The following CPE variants were observed in gnomAD, a reference collection of about 807,000 sequenced individuals.
CPE encodes carbocypeptidase E.
CPE carries 17 observed loss-of-function variants against 53.5 expected under a neutral mutation model. The observed-to-expected ratio is 0.32, with a 90% CI of 0.22 to 0.48. The LOEUF is 0.48. Among genes scored for constraint, CPE ranks in the 20% least tolerant of loss-of-function variants. CPE has a pLI of 0.99. For synonymous variants in CPE, 226 were observed against 228.8 expected, an observed-to-expected ratio of 0.99 and a Z score of 0.11; for missense variants, 524 against 614.7, an observed-to-expected ratio of 0.85 and a Z score of 1.56.
rs1480061039 is a variant in CPE, at chr4:165,392,479, T to G, written c.307+12951T>G. On this transcript the variant is annotated intron_variant, in intron 1 of 8. Coordinates refer to ENST00000402744, the MANE Select transcript of CPE (RefSeq NM_001873.4). ...ATATGTAATATGTAATATACATATA[T>G]CATATATTTACAATATATGATATAT... 7.6e-5 allele frequency among the ~76,000 whole-genome samples: 11 copies of G among 145,688 alleles called. No individual in the cohort carries two copies. The East Asian group carries it at 9.8e-4, about 13-fold the overall frequency.
At chr4:165,464,955 G>A (rs946637223) in intron 2 of CPE, among the ~76,000 whole-genome samples, 5 of 152,192 alleles carry the variant, frequency 3.3e-5, no homozygotes, top group African/African-American at 4.8e-5. Context: ...CGCCATGGGT[G>A]TATGTGGATG....
intron 1 of CPE, among the ~76,000 whole-genome samples, chr4:165,432,511 G>C (rs934427544): frequency 2.6e-5 from 4 of 152,046 alleles, no homozygotes; most frequent in Admixed American, 1.3e-4. Flanking sequence ...GCCCAGGCTG[G>C]TTTCGAACTC....
intron 1 of CPE, among the ~76,000 whole-genome samples, chr4:165,411,738 C>T (rs1458698351): frequency 6.6e-6 from 1 of 152,092 alleles, no homozygotes; most frequent in Non-Finnish European, 1.5e-5. Context: ...GTGATTAATG[C>T]AATAAAAAAT....
Position 165,497,776 on chromosome 4 carries a change from A to G in CPE, c.*166A>G. 2.8e-6 allele frequency: 1 copy of G among 363,590 alleles called. No homozygotes were observed. The allele number at this position is 363,590 out of a possible 1,614,324, so 22.5% of individuals were successfully genotyped here. A position where few individuals can be genotyped will look rare whatever the true frequency, so the allele number is the denominator to read the frequency against. ...AATAAATAGCCTCTTAGGTAAAAATATAAGAACTTGATATATTTCATTCTC... is the reference window on the plus strand; with the variant it reads ...AATAAATAGCCTCTTAGGTAAAAATGTAAGAACTTGATATATTTCATTCTC... On this transcript the variant is annotated 3_prime_UTR_variant, in exon 9 of 9. Transcript: ENST00000402744.
At chr4:165,466,686 T>G (rs1732110144) in intron 2 of CPE, among the ~76,000 whole-genome samples, 1 of 152,050 alleles carries the variant, frequency 6.6e-6, no homozygotes, top group Admixed American at 6.6e-5. Context: ...CCAGCTAATT[T>G]TTTATATTTT....
chr4:165,401,441 G>A (rs573531686), intron 1 of CPE, among the ~76,000 whole-genome samples: 1 of 152,298 alleles, frequency 6.6e-6, no homozygotes, highest in South Asian at 2.1e-4. Context: ...AGGCTGCCAG[G>A]TCTGCCGTTT....
intron 1 of CPE, among the ~76,000 whole-genome samples, chr4:165,419,393 T>G (rs1461226586): frequency 6.6e-6 from 1 of 152,200 alleles, no homozygotes; most frequent in Non-Finnish European, 1.5e-5. Context: ...AAAATTTGTT[T>G]TACTTTTAAA....
At chr4:165,410,281 A>G (rs924781319) in intron 1 of CPE, among the ~76,000 whole-genome samples, 16 of 151,970 alleles carry the variant, frequency 1.1e-4, no homozygotes, top group African/African-American at 2.9e-4. Context: ...TAACAGGTCA[A>G]TCTTGAACTA....
In CPE at chr4:165,467,816, G is replaced by A. The variant is rs773050049; in HGVS notation, c.633G>A (p.Leu211=). The stretch of plus-strand genomic sequence containing the variant: ...AAGAAGGTGGTCCAAATAATCATCT[G>A]TTGAAAAATATGAAGAAAATTGTGG... ...NEKEGGPNNH[L]LKNMKKIVDQ... Residue 211 remains leucine (L), a synonymous_variant, in exon 3 of 9, where the codon CTG becomes CTA. Coordinates refer to ENST00000402744, the MANE Select transcript of CPE (RefSeq NM_001873.4). 6.2e-7 allele frequency: 1 copy of A among 1,613,756 alleles called. No homozygotes were observed. The highest frequency in any genetic ancestry group is 2.2e-5 in the East Asian group (1 of 44,846).
At chr4:165,387,084 A>G (rs903766355) in intron 1 of CPE, among the ~76,000 whole-genome samples, 8 of 152,152 alleles carry the variant, frequency 5.3e-5, no homozygotes, top group African/African-American at 1.9e-4. Context: ...TTGAACATTC[A>G]GGATATGGTG....
intron 8 of CPE, among the ~76,000 whole-genome samples, chr4:165,497,035 G>T (rs928384732): frequency 1.3e-5 from 2 of 152,104 alleles, no homozygotes; most frequent in Non-Finnish European, 2.9e-5. Context: ...AAATTCTCCT[G>T]CCTCAGCCTC....
rs958366837 is a variant in CPE at position 165,405,648 on chromosome 4, T to G, written c.307+26120T>G. 6 of 777,860 alleles carry G rather than the reference T, an allele frequency of 7.7e-6. No individual in the cohort carries two copies. In the African/African-American group the frequency reaches 1.0e-4, roughly 13 times the overall value. The allele number at this position is 777,860 out of a possible 1,614,324, so 48.2% of individuals were successfully genotyped here. A position where few individuals can be genotyped will look rare whatever the true frequency, so the allele number is the denominator to read the frequency against. On this transcript the variant is annotated intron_variant, in intron 1 of 8. Transcript: ENST00000402744. Reference sequence around the variant, plus strand: ...TTGGGAAAGTAATTGCAACTTCTTCTAGGTATTTGATTGTCCATTCCTCTG... The same window carrying G: ...TTGGGAAAGTAATTGCAACTTCTTCGAGGTATTTGATTGTCCATTCCTCTG...
intron 1 of CPE, among the ~76,000 whole-genome samples, chr4:165,421,342 C>A (rs956148056): frequency 3.3e-5 from 5 of 152,208 alleles, no homozygotes; most frequent in African/African-American, 1.2e-4. Context: ...TCCTGGTCCT[C>A]CTGTGGGCAG....
intron 1 of CPE, among the ~76,000 whole-genome samples, chr4:165,403,614 C>T (rs1730904103): frequency 6.6e-6 from 1 of 150,960 alleles, no homozygotes; most frequent in Non-Finnish European, 1.5e-5. Flanking sequence ...GGCTTGCTAA[C>T]AACATGAAAA....
chr4:165,386,844 T>TG (rs1730601293), intron 1 of CPE, among the ~76,000 whole-genome samples: 1 of 152,226 alleles, frequency 6.6e-6, no homozygotes, highest in Admixed American at 6.5e-5. Flanking sequence ...ACTGTGTGCT[T>TG]GTTTTTAACA....
At chr4:165,381,591 A>G (rs1730505667) in intron 1 of CPE, 1 of 207,396 alleles carries the variant, frequency 4.8e-6, no homozygotes, top group Non-Finnish European at 1.0e-5. Flanking sequence ...TACTAATAGA[A>G]TACAAAATGT....
intron 7 of CPE, among the ~76,000 whole-genome samples, chr4:165,493,602 C>T (rs1044702764): frequency 2.0e-5 from 3 of 152,282 alleles, no homozygotes; most frequent in Middle Eastern, 6.8e-3. Flanking sequence ...GTTAAAATAC[C>T]AGTGACTTTC....
At chr4:165,430,346 A>T (rs970491441) in intron 1 of CPE, among the ~76,000 whole-genome samples, 1 of 152,250 alleles carries the variant, frequency 6.6e-6, no homozygotes, top group Non-Finnish European at 1.5e-5. Context: ...GCAAAACAAC[A>T]TATGACAAAA....
intron 3 of CPE, among the ~76,000 whole-genome samples, chr4:165,479,503 G>A (rs1268381464): frequency 6.6e-6 from 1 of 152,106 alleles, no homozygotes; most frequent in Admixed American, 6.5e-5. Flanking sequence ...AGCACATAGT[G>A]GTCACTTAAT....
Sources: allele counts gnomAD v4.1 joint callset (sites outside exome capture counted in the v4.1 genomes callset), GRCh38; gene constraint gnomAD v4.1.1; transcripts MANE v1.5; gene names NCBI Gene and HGNC (gene_info 2026-07-23, HGNC 2026-07-21).